TPP2: variants seen among roughly 807,000 people sequenced by gnomAD.
The protein encoded by TPP2 is tripeptidyl-peptidase 2.
TPP2 carries 34 observed loss-of-function variants against 155.9 expected under a neutral mutation model. The ratio of observed to expected loss-of-function variants is 0.22; its 90% CI spans 0.17 to 0.29. TPP2 has a LOEUF of 0.29. TPP2 is among the 10% of genes least tolerant of loss of function. TPP2 has a pLI of 1.00. For synonymous variants in TPP2, 510 were observed against 529.4 expected, an observed-to-expected ratio of 0.96 and a Z score of 0.50; for missense variants, 1,028 against 1,522.3, an observed-to-expected ratio of 0.68 and a Z score of 5.40.
intron 11 of TPP2, among the ~76,000 whole-genome samples, chr13:102,634,515 G>A (rs1258111264): frequency 6.6e-6 from 1 of 152,180 alleles, no homozygotes; most frequent in Non-Finnish European, 1.5e-5. Flanking sequence ...GTGGTGCACA[G>A]GATTAAATAG....
At chr13:102,665,151 A>G (rs111964502) in intron 27 of TPP2, among the ~76,000 whole-genome samples, 1 of 152,304 alleles carries the variant, frequency 6.6e-6, no homozygotes, top group African/African-American at 2.4e-5. Flanking sequence ...TCTACTGTTA[A>G]GTGCTGTCAA....
In TPP2 at chr13:102,676,310, A is replaced by G. The variant is rs2230856; in HGVS notation, c.3594A>G (p.Ala1198=). 0.056 allele frequency: 90,278 copies of G among 1,600,500 alleles called. 3,657 individuals are homozygous for G. Among genetic ancestry groups the G allele is most frequent in the African/African-American group, 0.18 (13,099 of 74,362 alleles). ...TTACATTGTAGGTTTTGACATTTGC[A>G]TATAAACATGCATTAGTAAATAAAA... ...DLFDNKVLTF[A]YKHALVNKMY... The change falls in exon 29 of 30, where the codon GCA becomes GCG. Residue 1198 remains alanine, a synonymous_variant. Coordinates refer to ENST00000376052, the MANE Select transcript of TPP2 (RefSeq NM_001330588.2).
At chr13:102,602,101 G>C (rs1879473790) in intron 1 of TPP2, among the ~76,000 whole-genome samples, 1 of 152,180 alleles carries the variant, frequency 6.6e-6, no homozygotes, top group South Asian at 2.1e-4. Flanking sequence ...GAAGATAGGT[G>C]ATTTGGGTTC....
intron 25 of TPP2, 106 bp downstream of exon 25, chr13:102,657,313 C>T: frequency 2.3e-6 from 2 of 879,156 alleles, no homozygotes; most frequent in Non-Finnish European, 3.1e-6. Flanking sequence ...TTATTAACAG[C>T]AGTTGGTAGG....
chr13:102,625,314 A>T (rs531580448), intron 6 of TPP2, among the ~76,000 whole-genome samples: 2 of 150,496 alleles, frequency 1.3e-5, no homozygotes, highest in East Asian at 2.0e-4. Flanking sequence ...GCAGGCGCCC[A>T]CTACCATGCC....
chr13:102,659,073 G>C (rs1251365045), intron 25 of TPP2, among the ~76,000 whole-genome samples: 2 of 152,156 alleles, frequency 1.3e-5, no homozygotes, highest in Non-Finnish European at 2.9e-5. Context: ...GTGGCCTAAG[G>C]AGTTCATAAA....
At chr13:102,609,426 T>C (rs1052170655) in intron 2 of TPP2, among the ~76,000 whole-genome samples, 1 of 131,868 alleles carries the variant, frequency 7.6e-6, no homozygotes, top group African/African-American at 2.9e-5. Context: ...AGACGGAGTT[T>C]TGGTCTTGTT....
chr13:102,619,914 C>T (rs143748953), intron 5 of TPP2, among the ~76,000 whole-genome samples: 25 of 152,286 alleles, frequency 1.6e-4, no homozygotes, highest in African/African-American at 6.0e-4. Flanking sequence ...TACAGTCACA[C>T]TCAGTGATAA....
chr13:102,657,893 A>T (rs919946972), intron 25 of TPP2, among the ~76,000 whole-genome samples: 1 of 152,178 alleles, frequency 6.6e-6, no homozygotes, highest in East Asian at 1.9e-4. Flanking sequence ...CAATGCAAAA[A>T]CCAGCCATTA....
intron 25 of TPP2, among the ~76,000 whole-genome samples, chr13:102,659,504 A>G (rs1410498491): frequency 6.6e-6 from 1 of 152,228 alleles, no homozygotes; most frequent in Non-Finnish European, 1.5e-5. Flanking sequence ...AAATGCTAGT[A>G]AGGTTAACAA....
chr13:102,616,250 C>G lies in TPP2; in HGVS notation c.391-146C>G, dbSNP rs923616705. 8.3e-5 allele frequency: 47 copies of G among 564,566 alleles called. No individual in the cohort carries two copies. The East Asian group carries it at 1.5e-3, about 18-fold the overall frequency. 35.0% of individuals were successfully genotyped at this position (564,566 alleles called of 1,614,324 possible). ...AGGATTACAGGCGTGAGCCACCACA[C>G]CCGGCCAAAAATGATTTTTTAAAAC... is the stretch of plus-strand genomic sequence containing the variant. On this transcript the variant is annotated intron_variant, in intron 3 of 29. Transcript: ENST00000376052.
chr13:102,633,290 A>G (rs1882142650), intron 10 of TPP2, among the ~76,000 whole-genome samples: 1 of 152,214 alleles, frequency 6.6e-6, no homozygotes, highest in Non-Finnish European at 1.5e-5. Flanking sequence ...GCTGTCCAGT[A>G]TGGCAGCAGT....
At chr13:102,598,888 T>A (rs1486256947) in intron 1 of TPP2, among the ~76,000 whole-genome samples, 1 of 152,256 alleles carries the variant, frequency 6.6e-6, no homozygotes, top group Non-Finnish European at 1.5e-5. Context: ...GTGACTTTTT[T>A]AAATGCTCAA....
chr13:102,643,152 A>G, intron 16 of TPP2, 70 bp from the exon 17 acceptor site: 1 of 1,446,178 alleles, frequency 6.9e-7, no homozygotes, highest in Non-Finnish European at 9.1e-7. Flanking sequence ...AGTGGGCATT[A>G]TTAAAGCCAC....
intron 29 of TPP2, among the ~76,000 whole-genome samples, chr13:102,677,508 C>T (rs1248037598): frequency 6.6e-6 from 1 of 152,208 alleles, no homozygotes; most frequent in Admixed American, 6.5e-5. Context: ...CCTCTCCAGA[C>T]TTATTTCATA....
chr13:102,625,389 C>CAAAT (rs1205115404), intron 6 of TPP2, among the ~76,000 whole-genome samples: 2 of 143,950 alleles, frequency 1.4e-5, no homozygotes, highest in South Asian at 2.2e-4. Context: ...TGGTCTCGAT[C>CAAAT]TCCTGACCTC....
At chr13:102,607,435 G>C (rs113429942) in intron 2 of TPP2, among the ~76,000 whole-genome samples, 3 of 152,094 alleles carry the variant, frequency 2.0e-5, no homozygotes, top group Admixed American at 6.5e-5. Context: ...TCTAGAGTTT[G>C]GCCTGTCTTC....
chr13:102,665,001 T>C, intron 27 of TPP2, 76 bp downstream of exon 27: 1 of 1,540,224 alleles, frequency 6.5e-7, no homozygotes, highest in Non-Finnish European at 8.8e-7. Context: ...ACTAATATTA[T>C]AGAGGATATT....
intron 21 of TPP2, among the ~76,000 whole-genome samples, chr13:102,647,652 G>T (rs965690757): frequency 6.6e-6 from 1 of 152,106 alleles, no homozygotes; most frequent in East Asian, 1.9e-4. Context: ...CTATCTGAAG[G>T]TAGAATCATC....
Sources: gnomAD v4.1 joint callset for allele counts (sites outside exome capture counted in the v4.1 genomes callset) on GRCh38, gnomAD v4.1.1 for gene constraint, MANE v1.5 for transcripts, NCBI Gene and HGNC (gene_info 2026-07-23, HGNC 2026-07-21) for gene names.